The following CEP170 variants were observed in gnomAD, a reference collection of about 807,000 sequenced individuals.
CEP170 encodes centrosomal protein of 170 kDa.
CEP170 carries 21 observed loss-of-function variants against 151.9 expected under a neutral mutation model. That is an observed-to-expected ratio of 0.14 (90% CI 0.10 to 0.20). CEP170 has a LOEUF of 0.20. Ranked by LOEUF, CEP170 falls within the 10% of genes least tolerant of loss-of-function variation. CEP170 has a pLI of 1.00. For missense variants in CEP170, 964 were observed against 1,892.9 expected (o/e 0.51, Z 9.11); for synonymous variants, 356 against 648.8 (o/e 0.55, Z 6.86).
intron 14 of CEP170, among the ~76,000 whole-genome samples, chr1:243,152,733 G>A (rs1275295160): frequency 9.6e-5 from 14 of 145,396 alleles, no homozygotes; most frequent in East Asian, 8.4e-4. Flanking sequence ...GGGTTTCACC[G>A]TGTTAGCCAG....
rs749439174 is a variant in CEP170, at chr1:243,186,215, T to C, written c.1272+44A>G. On this transcript the variant is annotated intron_variant, in intron 9 of 19. Coordinates refer to ENST00000366542, the MANE Select transcript of CEP170 (RefSeq NM_014812.3). ...AGAATACGACCTTCTTTTTCTGGGA[T>C]TGTCTTCATCAAAGAATGCAATCAT... is the stretch of plus-strand genomic sequence containing the variant. 2.9e-5 allele frequency: 46 copies of C among 1,613,676 alleles called. No individual in the cohort carries two copies. The East Asian group carries it at 2.9e-4, about 10-fold the overall frequency.
intron 4 of CEP170, chr1:243,211,334 T>C (rs1252513661): frequency 6.6e-6 from 1 of 152,276 alleles, no homozygotes; most frequent in Admixed American, 6.5e-5. Flanking sequence ...AACATAAGAA[T>C]TTTAAATACA....
At chr1:243,253,399 G>T (rs1413939579) in intron 1 of CEP170, 3 of 152,234 alleles carry the variant, frequency 2.0e-5, no homozygotes, top group Non-Finnish European at 4.4e-5. Context: ...AATGGACCTT[G>T]AGTTTCGTTT....
chr1:243,136,317 A>C (rs1237436928), intron 16 of CEP170, 86 bp from the exon 17 acceptor site: 1 of 801,334 alleles, frequency 1.2e-6, no homozygotes, highest in African/African-American at 1.7e-5. Context: ...AAGTCACTAT[A>C]GTTAGGGGCA....
chr1:243,229,929 C>T (rs899155151), intron 1 of CEP170, among the ~76,000 whole-genome samples: 1 of 152,212 alleles, frequency 6.6e-6, no homozygotes, highest in African/African-American at 2.4e-5. Context: ...AAAAACTACA[C>T]ACCTTGCAAA....
intron 1 of CEP170, among the ~76,000 whole-genome samples, chr1:243,231,549 T>C (rs2063760546): frequency 6.6e-6 from 1 of 152,060 alleles, no homozygotes; most frequent in South Asian, 2.1e-4. Context: ...ACAATTATAA[T>C]ATTACGGGGG....
intron 15 of CEP170, 153 bp downstream of exon 15, chr1:243,142,163 A>G: frequency 2.7e-6 from 4 of 1,487,464 alleles, no homozygotes; most frequent in Non-Finnish European, 3.6e-6. Flanking sequence ...TTACAAAAAC[A>G]TAAAATAAAC....
intron 10 of CEP170, among the ~76,000 whole-genome samples, chr1:243,173,407 T>TA (rs950637320): frequency 6.7e-6 from 1 of 150,086 alleles, no homozygotes; most frequent in Non-Finnish European, 1.5e-5. Context: ...CCTGTTCGAT[T>TA]AAAAAAAAAT....
At chr1:243,224,336 T>A (rs1192459869) in intron 2 of CEP170, among the ~76,000 whole-genome samples, 1 of 152,054 alleles carries the variant, frequency 6.6e-6, no homozygotes, top group East Asian at 1.9e-4. Context: ...AATGAAAGAC[T>A]CCAGTCCCTG....
chr1:243,126,759 A>G, intron 19 of CEP170, 21 bp from the exon 20 acceptor site: 1 of 1,558,816 alleles, frequency 6.4e-7, no homozygotes. Flanking sequence ...GGAAAAGGAA[A>G]TAATTTTAGA....
chr1:243,230,646 T>C (rs147053350), intron 1 of CEP170, among the ~76,000 whole-genome samples: 2 of 152,086 alleles, frequency 1.3e-5, no homozygotes, highest in East Asian at 3.9e-4. Context: ...AAAGCAGATA[T>C]GAGGAGGAGT....
intron 4 of CEP170, 45 bp downstream of exon 4, chr1:243,211,841 A>AT (rs1317015966): frequency 6.4e-7 from 1 of 1,567,694 alleles, no homozygotes; most frequent in African/African-American, 1.4e-5. Flanking sequence ...CAGAGTAAAC[A>AT]TATTTGAATA....
intron 3 of CEP170, 79 bp from the exon 4 acceptor site, chr1:243,212,043 C>T (rs2061853336): frequency 7.9e-7 from 1 of 1,273,096 alleles, no homozygotes. Context: ...ATTCTCAAAT[C>T]TGAGAGTTAA....
At chr1:243,156,733 G>A (rs3015131) in intron 13 of CEP170, 162 of 287,758 alleles carry the variant, frequency 5.6e-4, no homozygotes, top group Non-Finnish European at 8.6e-4. Context: ...TTTCGCTAAT[G>A]ATAAACAACT....
chr1:243,142,887 G>A (rs530827117), intron 14 of CEP170, among the ~76,000 whole-genome samples: 4 of 152,258 alleles, frequency 2.6e-5, no homozygotes, highest in African/African-American at 9.6e-5. Flanking sequence ...TATAAATACA[G>A]GCAACAAATC....
At chr1:243,232,968 C>G (rs1042719792) in intron 1 of CEP170, among the ~76,000 whole-genome samples, 1 of 152,292 alleles carries the variant, frequency 6.6e-6, no homozygotes, top group East Asian at 1.9e-4. Context: ...GGAGCTGCTA[C>G]AAGTCTTGAA....
chr1:243,218,424 A>G (rs535209891), intron 3 of CEP170, among the ~76,000 whole-genome samples: 2 of 152,378 alleles, frequency 1.3e-5, no homozygotes, highest in East Asian at 3.9e-4. Context: ...TCCCAAAGAA[A>G]GAGAACCTTC....
chr1:243,200,935 A>G, intron 4 of CEP170, 100 bp from the exon 5 acceptor site: 1 of 1,290,896 alleles, frequency 7.7e-7, no homozygotes, highest in Non-Finnish European at 1.1e-6. Context: ...TCAACAGGTA[A>G]CTACAGCAGA....
rs372974482 is a variant in CEP170 at position 243,128,223 on chromosome 1, T to C, written c.4465+26A>G. The C allele has an allele frequency of 5.6e-5, 87 of 1,558,516 alleles. 3 individuals are homozygous for C. The African/African-American group carries it at 8.4e-4, about 15-fold the overall frequency. ...CACTTATTCTAAATTATTAGCTCTT[T>C]ATACTTAATTCAGTAGTAAATTTAC... is the stretch of plus-strand genomic sequence containing the variant. On this transcript the variant is annotated intron_variant, in intron 19 of 19. Transcript: ENST00000366542.
Sources: allele counts gnomAD v4.1 joint callset (sites outside exome capture counted in the v4.1 genomes callset), GRCh38; gene constraint gnomAD v4.1.1; transcripts MANE v1.5; gene names NCBI Gene and HGNC (gene_info 2026-07-23, HGNC 2026-07-21).